The following RILPL1 variants were observed in gnomAD, a reference collection of about 807,000 sequenced individuals.
RILPL1 encodes the protein Rab interacting lysosomal protein like 1.
Under a neutral mutation model 50.3 loss-of-function variants are expected in RILPL1, and 33 were observed. The ratio of observed to expected loss-of-function variants is 0.66; its 90% CI spans 0.50 to 0.88. The LOEUF is 0.88. Ranked by LOEUF, RILPL1 falls within the 40% of genes least tolerant of loss-of-function variation. The pLI, the probability that RILPL1 is intolerant of heterozygous loss-of-function variation, is 0.00. For synonymous variants in RILPL1, 205 were observed against 228.6 expected, an observed-to-expected ratio of 0.90 and a Z score of 0.93; for missense variants, 418 against 542.5, an observed-to-expected ratio of 0.77 and a Z score of 2.28.
intron 4 of RILPL1, among the ~76,000 whole-genome samples, chr12:123,486,989 G>A (rs1486691610): frequency 6.6e-6 from 1 of 152,132 alleles, no homozygotes; most frequent in African/African-American, 2.4e-5. Flanking sequence ...AGTAGAGACA[G>A]GGTTTCACCA....
chr12:123,508,255 G>C lies in RILPL1; in HGVS notation c.461-8719C>G, dbSNP rs375262566. Among the ~76,000 whole-genome samples, 179 of 152,204 alleles carry C rather than the reference G, an allele frequency of 1.2e-3. 1 individual carries two copies. Among genetic ancestry groups the C allele is most frequent in the African/African-American group, 3.9e-3 (161 of 41,552 alleles). On this transcript the variant is annotated intron_variant, in intron 2 of 6. Transcript: ENST00000376874. ...CTAAAAATAAAAAAATTAGCCAGGC[G>C]TGGTGGCCCACGCCTATAGTTCCAG...
chr12:123,491,245 C>T lies in RILPL1; in HGVS notation c.802-5440G>A, dbSNP rs1408218966. Among the ~76,000 whole-genome samples the T allele has an allele frequency of 6.6e-6, 1 of 152,192 alleles. No individual in the cohort carries two copies. The highest frequency in any genetic ancestry group is 1.5e-5 in the Non-Finnish European group (1 of 68,032). On this transcript the variant is annotated intron_variant, in intron 4 of 6. Coordinates refer to ENST00000376874, the MANE Select transcript of RILPL1 (RefSeq NM_178314.5). The surrounding 1 kb of genome is among the most constrained non-coding windows in gnomAD (Gnocchi z 4.0). Reference sequence around the variant, plus strand: ...TGCCGTGGTCCTCCTAGGCTTACTCCATGCGGGACCGGGAGGTGGCTCGGG... The same window carrying T: ...TGCCGTGGTCCTCCTAGGCTTACTCTATGCGGGACCGGGAGGTGGCTCGGG...
intron 2 of RILPL1, chr12:123,515,222 GAATTTTAATTAAAATACAT>G (rs1185001318): frequency 6.6e-6 from 1 of 151,818 alleles, no homozygotes; most frequent in Non-Finnish European, 1.5e-5. Context: ...TTAAAATACA[GAATTTTAATTAAAATACAT>G]AATTTTAATT....
At chr12:123,493,803 G>A (rs1271155875) in intron 4 of RILPL1, among the ~76,000 whole-genome samples, 1 of 87,346 alleles carries the variant, frequency 1.1e-5, no homozygotes, top group Non-Finnish European at 2.3e-5. Flanking sequence ...TTTTTTTTTT[G>A]AGATGAAGTC....
chr12:123,523,585 C>A lies in RILPL1; in HGVS notation c.370G>T (p.Ala124Ser), dbSNP rs770474413. The stretch of plus-strand genomic sequence containing the variant: ...TGCTTGTTCTCCTCCTGCAGCTGGG[C>A]GATCTGGGAGAGGAGGTCCTGCGCC... Reference protein sequence around the residue: ...GEAQDLLSQIAQLQEENKQLM... With the variant: ...GEAQDLLSQISQLQEENKQLM... The change falls in exon 2 of 7, where the codon GCC becomes TCC. Residue 124 changes from alanine (A) to serine (S), a missense_variant. Coordinates refer to ENST00000376874, the MANE Select transcript of RILPL1 (RefSeq NM_178314.5). 8.1e-6 allele frequency: 13 copies of A among 1,613,810 alleles called. No individual in the cohort carries two copies. Among genetic ancestry groups the A allele is most frequent in the African/African-American group, 2.7e-5 (2 of 74,922 alleles).
chr12:123,527,174 T>C (rs1312922042), intron 1 of RILPL1, among the ~76,000 whole-genome samples: 4 of 151,746 alleles, frequency 2.6e-5, no homozygotes, highest in Non-Finnish European at 5.9e-5. Flanking sequence ...CTATAAAAAA[T>C]ACAAAAATTA....
intron 2 of RILPL1, among the ~76,000 whole-genome samples, chr12:123,517,274 G>A (rs1289260469): frequency 6.6e-6 from 1 of 152,066 alleles, no homozygotes; most frequent in East Asian, 1.9e-4. Flanking sequence ...GCTGATGCCC[G>A]ACTATGAATC....
At chr12:123,511,378 CTGTG>C (rs1256113213) in intron 2 of RILPL1, among the ~76,000 whole-genome samples, 1 of 83,390 alleles carries the variant, frequency 1.2e-5, no homozygotes, top group Non-Finnish European at 2.5e-5. Flanking sequence ...TGTGTGAGGT[CTGTG>C]TGTGTGGTGT....
At chr12:123,504,821 T>G (rs1883630997) in intron 2 of RILPL1, among the ~76,000 whole-genome samples, 1 of 152,006 alleles carries the variant, frequency 6.6e-6, no homozygotes, top group Non-Finnish European at 1.5e-5. Flanking sequence ...CAAGCCCAGG[T>G]TTTCTGACTC....
In RILPL1 at chr12:123,470,113, T is replaced by G. The variant is rs1345017668; in HGVS notation, c.*2425A>C. 6.6e-6 allele frequency: 1 copy of G among 152,196 alleles called. No homozygotes were observed. Among genetic ancestry groups the G allele is most frequent in the Non-Finnish European group, 1.5e-5 (1 of 68,048 alleles). 9.4% of individuals were successfully genotyped at this position (152,196 alleles called of 1,614,324 possible). A position where few individuals can be genotyped will look rare whatever the true frequency, so the allele number is the denominator to read the frequency against. On this transcript the variant is annotated 3_prime_UTR_variant, in exon 7 of 7. Transcript: ENST00000376874. ...TGCATGTATAAACTTTCTGATGGAT[T>G]GATTTTTCCTTTCTGTCCCGATTAT...
At chr12:123,511,167 GTT>G (rs1410218679) in intron 2 of RILPL1, among the ~76,000 whole-genome samples, 3 of 127,522 alleles carry the variant, frequency 2.4e-5, no homozygotes, top group South Asian at 2.7e-4. Flanking sequence ...TGTGTGTGGT[GTT>G]TGTGTGAGGT....
At chr12:123,510,372 G>A (rs796808063) in intron 2 of RILPL1, among the ~76,000 whole-genome samples, 1 of 152,006 alleles carries the variant, frequency 6.6e-6, no homozygotes, top group African/African-American at 2.4e-5. Flanking sequence ...TGTGGTGTGT[G>A]TGTGTGTGTG....
intron 6 of RILPL1, among the ~76,000 whole-genome samples, chr12:123,483,718 T>TA (rs1358309772): frequency 1.3e-5 from 2 of 152,130 alleles, no homozygotes; most frequent in Non-Finnish European, 2.9e-5. Flanking sequence ...CGTTATGCAG[T>TA]AACCCCTGCT....
rs1885054360 is a variant in RILPL1, at chr12:123,521,674, TATATATATATAC to T, written c.460+1809_460+1820del. ...ATACACATATATGTATATATATAAA[TATATATATATAC>T]ACACATATATGTATATATATATAAA... On this transcript the variant is annotated intron_variant, in intron 2 of 6. Coordinates refer to ENST00000376874, the MANE Select transcript of RILPL1 (RefSeq NM_178314.5). Among the ~76,000 whole-genome samples, 2 of 26,148 alleles carry T rather than the reference TATATATATATAC, an allele frequency of 7.6e-5. 1 individual carries two copies. Among genetic ancestry groups the T allele is most frequent in the African/African-American group, 2.6e-4 (2 of 7,808 alleles). 17.2% of individuals were successfully genotyped at this position (26,148 alleles called of 152,430 possible).
chr12:123,484,777 C>T, intron 5 of RILPL1: 1 of 227,824 alleles, frequency 4.4e-6, no homozygotes, highest in Middle Eastern at 1.9e-3. Context: ...CTGCTTCAGC[C>T]TCCCAAGTGG....
rs542137716 is a variant in RILPL1, at chr12:123,528,090, G to A, written c.310-4445C>T. Among the ~76,000 whole-genome samples, 11 of 152,224 alleles carry A rather than the reference G, an allele frequency of 7.2e-5. No individual in the cohort carries two copies. The South Asian group carries it at 2.1e-3, about 29-fold the overall frequency. On this transcript the variant is annotated intron_variant, in intron 1 of 6. Transcript: ENST00000376874. ...CAATAAGACAATACATTTCTGGCCA[G>A]GCATGGTGGGTCACGCCTGTAATTC...
intron 1 of RILPL1, among the ~76,000 whole-genome samples, chr12:123,529,624 C>G (rs1441640682): frequency 6.6e-6 from 1 of 150,386 alleles, no homozygotes; most frequent in Admixed American, 6.6e-5. Flanking sequence ...CACAGTGGAT[C>G]AAACCTGTAG....
At chr12:123,474,691 G>A (rs770696933) in intron 6 of RILPL1, 2 of 152,334 alleles carry the variant, frequency 1.3e-5, no homozygotes, top group Admixed American at 6.5e-5. Flanking sequence ...TAGCCACTAT[G>A]TGAATTATGG....
chr12:123,528,764 A>G (rs1885351746), intron 1 of RILPL1, among the ~76,000 whole-genome samples: 1 of 152,114 alleles, frequency 6.6e-6, no homozygotes, highest in African/African-American at 2.4e-5. Flanking sequence ...CAGGGAATGA[A>G]TACAGACTTT....
Sources: gnomAD v4.1 joint callset for allele counts (sites outside exome capture counted in the v4.1 genomes callset) on GRCh38, gnomAD v4.1.1 for gene constraint, Gnocchi (gnomAD v3.1) non-coding constraint, MANE v1.5 for transcripts, NCBI Gene and HGNC (gene_info 2026-07-23, HGNC 2026-07-21) for gene names.